RNF144A: variants seen among roughly 807,000 people sequenced by gnomAD.
RNF144A encodes the protein E3 ubiquitin-protein ligase RNF144A.
Under a neutral mutation model 38.7 loss-of-function variants are expected in RNF144A, and 11 were observed. The ratio of observed to expected loss-of-function variants is 0.28; its 90% CI spans 0.18 to 0.47. RNF144A has a LOEUF of 0.47. Ranked by LOEUF, RNF144A falls within the 20% of genes least tolerant of loss-of-function variation. The pLI, the probability that RNF144A is intolerant of heterozygous loss-of-function variation, is 0.99. For missense variants in RNF144A, 316 were observed against 377.2 expected (o/e 0.84, Z 1.34); for synonymous variants, 149 against 143.9 (o/e 1.04, Z -0.25).
intron 8 of RNF144A, among the ~76,000 whole-genome samples, chr2:7,031,113 C>G (rs1211933550): frequency 6.6e-6 from 1 of 152,128 alleles, no homozygotes; most frequent in Non-Finnish European, 1.5e-5. Flanking sequence ...CCACTCACTC[C>G]TGCCGTGCAC....
Position 7,024,401 on chromosome 2 carries a change from C to A in RNF144A, c.542C>A (p.Pro181His). 6.2e-7 allele frequency: 1 copy of A among 1,609,532 alleles called. No individual in the cohort carries two copies. The highest frequency in any genetic ancestry group is 8.5e-7 in the Non-Finnish European group (1 of 1,175,994). ...AAFKMEEDDA[P>H]IKRCPKCKVY... ...TTCAAAATGGAAGAAGATGACGCGC[C>A]CATCAAGCGCTGCCCCAAGTGCAAA... Residue 181 changes from proline (P) to histidine (H), a missense_variant, in exon 7 of 9, where the codon CCC (proline) becomes CAC (histidine). Coordinates refer to ENST00000320892, the MANE Select transcript of RNF144A (RefSeq NM_014746.6).
chr2:6,976,588 CTA>C (rs554713216), intron 2 of RNF144A, among the ~76,000 whole-genome samples: 26 of 148,322 alleles, frequency 1.8e-4, no homozygotes, highest in East Asian at 1.6e-3. Flanking sequence ...ATATATAAAA[CTA>C]TATAAATTTC....
intron 2 of RNF144A, among the ~76,000 whole-genome samples, chr2:6,968,972 G>T (rs143706749): frequency 2.0e-3 from 312 of 152,308 alleles, no homozygotes; most frequent in African/African-American, 7.2e-3. Context: ...CAAGAGCGCA[G>T]CATGTGGTCT....
intron 1 of RNF144A, among the ~76,000 whole-genome samples, chr2:6,923,037 C>T (rs1664643055): frequency 1.3e-5 from 2 of 152,136 alleles, no homozygotes. Flanking sequence ...TCTGCAGCCT[C>T]CTCTGCAAGT....
rs992230035 is a variant in RNF144A, at chr2:6,958,625, C to T, written c.-12+17478C>T. Among the ~76,000 whole-genome samples the T allele has an allele frequency of 1.3e-5, 2 of 151,942 alleles. No homozygotes were observed. The highest frequency in any genetic ancestry group is 2.9e-5 in the Non-Finnish European group (2 of 68,006). ...TATGTCACGGTGGGAGTGTGTGGGA[C>T]GTTGAGGTACAAAGCTGAAGAAGGT... On this transcript the variant is annotated intron_variant, in intron 2 of 8. Coordinates refer to ENST00000320892, the MANE Select transcript of RNF144A (RefSeq NM_014746.6). The surrounding 1 kb of genome is among the most constrained non-coding windows in gnomAD (Gnocchi z 4.5).
At chr2:6,969,137 G>A (rs1284220486) in intron 2 of RNF144A, among the ~76,000 whole-genome samples, 1 of 152,178 alleles carries the variant, frequency 6.6e-6, no homozygotes, top group Non-Finnish European at 1.5e-5. Context: ...TTAGTAGGGT[G>A]CCACATCTGT....
intron 1 of RNF144A, among the ~76,000 whole-genome samples, chr2:6,924,199 G>T (rs1383765527): frequency 6.6e-6 from 1 of 152,202 alleles, no homozygotes; most frequent in African/African-American, 2.4e-5. Flanking sequence ...TAGCCTGGTG[G>T]CCTGGAATGC....
intron 8 of RNF144A, among the ~76,000 whole-genome samples, chr2:7,037,462 C>T (rs912424772): frequency 3.9e-5 from 6 of 152,204 alleles, no homozygotes; most frequent in Non-Finnish European, 8.8e-5. Context: ...GAGCTTACTG[C>T]ATGTTTTATG....
At chr2:7,006,688 C>T (rs1471777863) in intron 3 of RNF144A, among the ~76,000 whole-genome samples, 1 of 152,182 alleles carries the variant, frequency 6.6e-6, no homozygotes, top group East Asian at 1.9e-4. Context: ...CCATGGCCAC[C>T]TCCCCAAAGC....
At chr2:6,982,111 C>T (rs1668669815) in intron 2 of RNF144A, among the ~76,000 whole-genome samples, 1 of 152,176 alleles carries the variant, frequency 6.6e-6, no homozygotes, top group African/African-American at 2.4e-5. Flanking sequence ...CGCCTCCCAC[C>T]AGGTCTGTTC....
intron 6 of RNF144A, among the ~76,000 whole-genome samples, chr2:7,055,292 G>A (rs544592109): frequency 1.5e-4 from 23 of 152,148 alleles, no homozygotes; most frequent in Non-Finnish European, 2.8e-4. Flanking sequence ...GTTTCTCTGA[G>A]CTGCAGTTTC....
intron 2 of RNF144A, among the ~76,000 whole-genome samples, chr2:6,956,149 T>A (rs1425115889): frequency 6.6e-6 from 1 of 151,980 alleles, no homozygotes; most frequent in African/African-American, 2.4e-5. Context: ...CCAGATTACA[T>A]GTTAAGGGAG....
intron 2 of RNF144A, among the ~76,000 whole-genome samples, chr2:6,959,023 G>T (rs1319328670): frequency 6.6e-6 from 1 of 152,154 alleles, no homozygotes. Context: ...CTCTCTTACT[G>T]CCCTCAGAGC....
Position 7,042,937 on chromosome 2 carries a change from G to C in RNF144A, c.*3177G>C. The stretch of plus-strand genomic sequence containing the variant: ...AGCTGGAGTACAATGACAGGATCTC[G>C]GCTCACTGCAAGCTCTGCCTCCCGG... On this transcript the variant is annotated 3_prime_UTR_variant, in exon 9 of 9. Transcript: ENST00000320892. 1.2e-6 allele frequency: 1 copy of C among 831,036 alleles called. No homozygotes were observed. The highest frequency in any genetic ancestry group is 1.4e-6 in the Non-Finnish European group (1 of 689,758). 51.5% of individuals were successfully genotyped at this position (831,036 alleles called of 1,614,324 possible). A position where few individuals can be genotyped will look rare whatever the true frequency, so the allele number is the denominator to read the frequency against.
intron 3 of RNF144A, among the ~76,000 whole-genome samples, chr2:7,002,571 G>T (rs1231738490): frequency 6.6e-6 from 1 of 152,162 alleles, no homozygotes; most frequent in Non-Finnish European, 1.5e-5. Flanking sequence ...AGATTGAGAG[G>T]ACTTTGCTAA....
chr2:6,990,889 CCTTA>C (rs1438292713), intron 2 of RNF144A, among the ~76,000 whole-genome samples: 2 of 152,248 alleles, frequency 1.3e-5, no homozygotes, highest in African/African-American at 4.8e-5. Context: ...TTTTTATTGT[CCTTA>C]TAGTTTTGTC....
At chr2:6,959,850 A>T (rs1395448127) in intron 2 of RNF144A, among the ~76,000 whole-genome samples, 1 of 152,206 alleles carries the variant, frequency 6.6e-6, no homozygotes, top group South Asian at 2.1e-4. Context: ...GGGAACCAAC[A>T]TTGAAACCAT....
At chr2:6,989,132 T>G (rs1669173370) in intron 2 of RNF144A, among the ~76,000 whole-genome samples, 1 of 152,236 alleles carries the variant, frequency 6.6e-6, no homozygotes, top group Non-Finnish European at 1.5e-5. Flanking sequence ...TGTCATTCCT[T>G]CTGTGCCCTG....
rs1572440853 is a variant in RNF144A, at chr2:7,030,224, T to G, written c.747+9T>G. On this transcript the variant is annotated intron_variant, in intron 8 of 8. Coordinates refer to ENST00000320892, the MANE Select transcript of RNF144A (RefSeq NM_014746.6). ...TCTGGCATCGGACACAGGTAGGAGG[T>G]GATTTGCCTGGAAGGTTGATCTCAG... 6.3e-7 allele frequency: 1 copy of G among 1,596,670 alleles called. No individual in the cohort carries two copies. Among genetic ancestry groups the G allele is most frequent in the Non-Finnish European group, 8.6e-7 (1 of 1,166,072 alleles).
Sources: gnomAD v4.1 joint callset for allele counts (sites outside exome capture counted in the v4.1 genomes callset) on GRCh38, gnomAD v4.1.1 for gene constraint, Gnocchi (gnomAD v3.1) non-coding constraint, MANE v1.5 for transcripts, NCBI Gene and HGNC (gene_info 2026-07-23, HGNC 2026-07-21) for gene names.